Variants in SLC35F1 observed in about 807,000 individuals in gnomAD.
SLC35F1 encodes the protein chromosome 6 open reading frame 169.
In SLC35F1, 14 loss-of-function variants were observed where a neutral mutation model predicts 48.7. The ratio of observed to expected loss-of-function variants is 0.29; its 90% CI spans 0.19 to 0.45. The LOEUF is 0.45. Among genes scored for constraint, SLC35F1 ranks in the 20% least tolerant of loss-of-function variants. The pLI is 1.00. For missense variants in SLC35F1, 404 were observed against 500.0 expected (o/e 0.81, Z 1.83); for synonymous variants, 190 against 202.2 (o/e 0.94, Z 0.51).
intron 1 of SLC35F1, among the ~76,000 whole-genome samples, chr6:118,093,829 G>A (rs191841142): frequency 9.0e-4 from 137 of 152,232 alleles, no homozygotes; most frequent in African/African-American, 2.9e-3. Context: ...CAGTAAGGTC[G>A]GAGAAAACCA....
At chr6:117,995,776 TA>T (rs905734819) in intron 1 of SLC35F1, among the ~76,000 whole-genome samples, 13 of 151,840 alleles carry the variant, frequency 8.6e-5, no homozygotes, top group Admixed American at 1.3e-4. Flanking sequence ...AAATAAAAAT[TA>T]AAAAAAGGGC....
chr6:118,022,747 A>ATTTT (rs34879607), intron 1 of SLC35F1, among the ~76,000 whole-genome samples: 55 of 120,626 alleles, frequency 4.6e-4, no homozygotes, highest in African/African-American at 1.8e-3. Flanking sequence ...AGCTTGGACA[A>ATTTT]TTTTTTTTTT....
chr6:118,263,142 T>C (rs1036115037), intron 3 of SLC35F1, among the ~76,000 whole-genome samples: 2 of 152,162 alleles, frequency 1.3e-5, no homozygotes, highest in African/African-American at 4.8e-5. Flanking sequence ...TTGCAACCTC[T>C]GCCTCTCAGG....
At chr6:118,198,289 T>G (rs905225028) in intron 2 of SLC35F1, among the ~76,000 whole-genome samples, 1 of 152,214 alleles carries the variant, frequency 6.6e-6, no homozygotes, top group African/African-American at 2.4e-5. Context: ...TCTTTAATAC[T>G]GCTTACTTCA....
chr6:118,091,165 A>G (rs891211051), intron 1 of SLC35F1, among the ~76,000 whole-genome samples: 1 of 152,236 alleles, frequency 6.6e-6, no homozygotes, highest in African/African-American at 2.4e-5. Context: ...TTCCAAACTT[A>G]TATTTGGACT....
At chr6:117,923,978 G>C (rs984823998) in intron 1 of SLC35F1, among the ~76,000 whole-genome samples, 4 of 150,418 alleles carry the variant, frequency 2.7e-5, no homozygotes, top group Non-Finnish European at 4.4e-5. Flanking sequence ...GAATAGAATG[G>C]AAATTGACAT....
intron 3 of SLC35F1, among the ~76,000 whole-genome samples, chr6:118,263,351 C>T (rs571439707): frequency 2.0e-5 from 3 of 152,200 alleles, no homozygotes; most frequent in African/African-American, 7.2e-5. Context: ...CCACTGTGCC[C>T]GGCCGTGTCT....
At chr6:118,069,048 G>A (rs1304293181) in intron 1 of SLC35F1, among the ~76,000 whole-genome samples, 11 of 152,140 alleles carry the variant, frequency 7.2e-5, no homozygotes, top group Non-Finnish European at 5.9e-5. Context: ...GACTCCCTGT[G>A]TTAGATTGAG....
At chr6:118,203,244 T>C (rs1041021720) in intron 2 of SLC35F1, among the ~76,000 whole-genome samples, 4 of 152,210 alleles carry the variant, frequency 2.6e-5, no homozygotes, top group Admixed American at 1.3e-4. Context: ...CTGAGGTTCA[T>C]AGGGCTCTGA....
intron 1 of SLC35F1, among the ~76,000 whole-genome samples, chr6:118,081,863 C>T (rs1772913504): frequency 6.6e-6 from 1 of 152,152 alleles, no homozygotes; most frequent in Non-Finnish European, 1.5e-5. Context: ...AACATAGATT[C>T]ACTGAGGGTG....
chr6:118,128,893 T>A (rs1773669604), intron 1 of SLC35F1, among the ~76,000 whole-genome samples: 1 of 152,016 alleles, frequency 6.6e-6, no homozygotes, highest in South Asian at 2.1e-4. Context: ...TACTTTAAAG[T>A]TTTTATCTTT....
intron 6 of SLC35F1, among the ~76,000 whole-genome samples, chr6:118,284,562 G>A (rs1232547676): frequency 1.3e-5 from 2 of 152,130 alleles, no homozygotes; most frequent in Admixed American, 6.5e-5. Context: ...ACATGTGATG[G>A]AAGGGCAGGA....
intron 1 of SLC35F1, among the ~76,000 whole-genome samples, chr6:117,914,632 G>A (rs1775805965): frequency 6.6e-6 from 1 of 152,108 alleles, no homozygotes; most frequent in Non-Finnish European, 1.5e-5. Flanking sequence ...TGGAGTTTCT[G>A]TTATTACCCT....
At chr6:118,206,360 A>G (rs1016351539) in intron 2 of SLC35F1, among the ~76,000 whole-genome samples, 2 of 152,126 alleles carry the variant, frequency 1.3e-5, no homozygotes, top group Non-Finnish European at 2.9e-5. Flanking sequence ...TTTTGGAGAA[A>G]GTACTTTGGG....
chr6:118,055,356 C>A (rs1030333399), intron 1 of SLC35F1, among the ~76,000 whole-genome samples: 1 of 152,000 alleles, frequency 6.6e-6, no homozygotes, highest in African/African-American at 2.4e-5. Flanking sequence ...TGATTCTTGG[C>A]AAATTATTTA....
At position 118,130,890 on chromosome 6, in the gene SLC35F1, A is replaced by C. The variant is rs1773700099; in HGVS notation, c.174-23555A>C. On this transcript the variant is annotated intron_variant, in intron 1 of 7. Transcript: ENST00000360388. Reference sequence around the variant, plus strand: ...CCAATAAGGAAGGGAGAAATGATGTAAAGATTTTATAAATATTTTATGTTG... The same window carrying C: ...CCAATAAGGAAGGGAGAAATGATGTCAAGATTTTATAAATATTTTATGTTG... 3.9e-5 allele frequency among the ~76,000 whole-genome samples: 6 copies of C among 152,234 alleles called. No individual in the cohort carries two copies. In the South Asian group the frequency reaches 1.2e-3, roughly 32 times the overall value.
At chr6:118,166,892 T>C (rs1774325921) in intron 2 of SLC35F1, among the ~76,000 whole-genome samples, 1 of 152,216 alleles carries the variant, frequency 6.6e-6, no homozygotes, top group African/African-American at 2.4e-5. Context: ...ATACTTTTAG[T>C]TCTGAAGAGT....
At chr6:118,160,027 T>C (rs129630) in intron 2 of SLC35F1, among the ~76,000 whole-genome samples, 114,183 of 151,970 alleles carry the variant, frequency 0.75, 43,212 homozygotes, top group African/African-American at 0.85. Flanking sequence ...TACTCATTGC[T>C]GGAGGAGTAA....
At chr6:118,282,245 C>A (rs1273136534) in intron 6 of SLC35F1, among the ~76,000 whole-genome samples, 4 of 152,188 alleles carry the variant, frequency 2.6e-5, no homozygotes, top group Non-Finnish European at 5.9e-5. Flanking sequence ...CATCTAAGAA[C>A]AGCCAAGGAA....
Sources: allele counts gnomAD v4.1 joint callset (sites outside exome capture counted in the v4.1 genomes callset), GRCh38; gene constraint gnomAD v4.1.1; transcripts MANE v1.5; gene names NCBI Gene and HGNC (gene_info 2026-07-23, HGNC 2026-07-21).